The following CHLSN variants were observed in gnomAD, a reference collection of about 807,000 sequenced individuals.
CHLSN encodes the protein protein cholesin.
chr7:988,129 C>T, the CHLSN span: 1 of 969,564 alleles, frequency 1.0e-6, no homozygotes, highest in Non-Finnish European at 1.5e-6. Flanking sequence ...TGTGGCCTCC[C>T]TGGGTTTGGG....
the CHLSN span, among the ~76,000 whole-genome samples, chr7:1,120,063 T>G: frequency 6.6e-6 from 1 of 152,094 alleles, no homozygotes; most frequent in African/African-American, 2.4e-5. Flanking sequence ...AAAACTGACC[T>G]TACATCAATT....
the CHLSN span, chr7:984,497 A>T: frequency 5.2e-6 from 8 of 1,552,942 alleles, no homozygotes; most frequent in Middle Eastern, 1.7e-4. Context: ...GCGGTCAAAG[A>T]GGCGCTGGCG....
chr7:1,065,814 G>A, the CHLSN span, among the ~76,000 whole-genome samples: 2 of 152,218 alleles, frequency 1.3e-5, no homozygotes, highest in Non-Finnish European at 2.9e-5. Context: ...AAGGGACAGG[G>A]CTCTCTTCAG....
At chr7:983,317 C>T in the CHLSN span, 41 of 1,540,026 alleles carry the variant, frequency 2.7e-5, no homozygotes, top group Middle Eastern at 4.5e-4. Flanking sequence ...CCCGGGGCCT[C>T]GCCCGCTGCC....
At chr7:1,009,394 G>C in the CHLSN span, among the ~76,000 whole-genome samples, 1 of 152,114 alleles carries the variant, frequency 6.6e-6, no homozygotes, top group African/African-American at 2.4e-5. Context: ...GCCACAGCCC[G>C]CAAGGCTGTG....
At chr7:1,061,606 C>T in the CHLSN span, among the ~76,000 whole-genome samples, 2 of 152,146 alleles carry the variant, frequency 1.3e-5, no homozygotes, top group African/African-American at 2.4e-5. Flanking sequence ...TGGGAAGATT[C>T]GGCACCTCCT....
the CHLSN span, among the ~76,000 whole-genome samples, chr7:980,237 G>T: frequency 6.7e-6 from 1 of 150,142 alleles, no homozygotes; most frequent in South Asian, 2.2e-4. Flanking sequence ...CACCCACCCT[G>T]CCTCTGATGT....
chr7:1,089,409 T>G, the CHLSN span, among the ~76,000 whole-genome samples: 2 of 151,428 alleles, frequency 1.3e-5, no homozygotes. Flanking sequence ...CAGGCTCGAG[T>G]GCAGTGGTGT....
At chr7:1,073,656 T>C in the CHLSN span, among the ~76,000 whole-genome samples, 5 of 146,192 alleles carry the variant, frequency 3.4e-5, no homozygotes, top group South Asian at 2.3e-4. Context: ...TGATGCCCCC[T>C]GACTCCGCAC....
chr7:1,070,998 G>A, the CHLSN span, among the ~76,000 whole-genome samples: 10 of 145,066 alleles, frequency 6.9e-5, no homozygotes, highest in African/African-American at 2.2e-4. Context: ...ACACACACAC[G>A]TGCACACGCA....
the CHLSN span, among the ~76,000 whole-genome samples, chr7:1,115,945 T>C: frequency 8.0e-5 from 9 of 112,170 alleles, no homozygotes; most frequent in Non-Finnish European, 1.9e-5. Flanking sequence ...ACGGCTTCCA[T>C]CACCAAAGCC....
At chr7:989,054 C>T in the CHLSN span, 1 of 472,584 alleles carries the variant, frequency 2.1e-6, no homozygotes, top group Admixed American at 3.5e-5. Flanking sequence ...TCAGTCCCTG[C>T]CAGCCCCCAG....
chr7:1,099,975 C>A, the CHLSN span, among the ~76,000 whole-genome samples: 1 of 152,174 alleles, frequency 6.6e-6, no homozygotes, highest in Non-Finnish European at 1.5e-5. Flanking sequence ...CCAATCTGAG[C>A]TATGGAACCT....
At chr7:1,057,759 G>A in the CHLSN span, 2 of 775,886 alleles carry the variant, frequency 2.6e-6, no homozygotes, top group Non-Finnish European at 4.8e-6. Context: ...CCTGGCCCCT[G>A]TGCACCTGCT....
At chr7:1,088,331 A>T in the CHLSN span, 1 of 152,330 alleles carries the variant, frequency 6.6e-6, no homozygotes, top group East Asian at 1.9e-4. This position sits in a 1 kb window ranked among gnomAD's most constrained non-coding sequence, Gnocchi z 4.5. Context: ...GGTAGGACTC[A>T]GCCTCGGCCT....
At chr7:1,049,523 G>A in the CHLSN span, among the ~76,000 whole-genome samples, 16,277 of 152,234 alleles carry the variant, frequency 0.11, 1,156 homozygotes, top group Middle Eastern at 0.2. Context: ...CTTGCTGCCC[G>A]CTCCAGAGCC....
At chr7:993,992 CTG>C in the CHLSN span, among the ~76,000 whole-genome samples, 1 of 152,136 alleles carries the variant, frequency 6.6e-6, no homozygotes, top group Non-Finnish European at 1.5e-5. Flanking sequence ...CCGCACAGTG[CTG>C]TGAGAGGTCT....
the CHLSN span, among the ~76,000 whole-genome samples, chr7:1,009,057 G>A: frequency 3.6e-3 from 424 of 118,196 alleles, 1 homozygote; most frequent in African/African-American, 0.011. Context: ...ACGTACACGT[G>A]CACGTGCACG....
the CHLSN span, among the ~76,000 whole-genome samples, chr7:1,106,186 G>C: frequency 1.3e-5 from 2 of 152,190 alleles, no homozygotes; most frequent in Non-Finnish European, 2.9e-5. Context: ...GCCCGGCCGA[G>C]CACTCAGCTG....
Sources: gnomAD v4.1 joint callset for allele counts (sites outside exome capture counted in the v4.1 genomes callset) on GRCh38, gnomAD v4.1.1 for gene constraint, Gnocchi (gnomAD v3.1) non-coding constraint, MANE v1.5 for transcripts, NCBI Gene and HGNC (gene_info 2026-07-23, HGNC 2026-07-21) for gene names.